MTUS1: variants seen among roughly 807,000 people sequenced by gnomAD.
The protein encoded by MTUS1 is microtubule-associated tumor suppressor 1.
A neutral mutation model predicts 120.8 loss-of-function variants in MTUS1; 109 were observed. The ratio of observed to expected loss-of-function variants is 0.90; its 90% CI spans 0.77 to 1.06. MTUS1 has a LOEUF of 1.06. MTUS1 is among the 50% of genes least tolerant of loss of function. The pLI is 0.00. For missense variants in MTUS1, 2,210 were observed against 1,486.3 expected (o/e 1.49, Z -8.01); for synonymous variants, 737 against 550.5 (o/e 1.34, Z -4.74).
At chr8:17,731,814 C>T (rs140570637) in intron 3 of MTUS1, among the ~76,000 whole-genome samples, 1,998 of 152,310 alleles carry the variant, frequency 0.013, 13 homozygotes, top group South Asian at 0.028. Flanking sequence ...TATTATTATT[C>T]TTTTATTTAA....
intron 8 of MTUS1, chr8:17,663,853 C>G (rs1810320875): frequency 6.6e-6 from 1 of 152,258 alleles, no homozygotes; most frequent in African/African-American, 2.4e-5. Context: ...GCCTCGGCCT[C>G]CCAAAGTGCT....
Position 17,723,713 on chromosome 8 carries a change from A to G in MTUS1, c.2408T>C (p.Ile803Thr), listed in dbSNP as rs373551462. ...GCTCAGCTCACTGTGGGTGCTGGCTATTGAGGGGGTGCTTCCTGTCCTCCG... is the reference window on the plus strand; with the variant it reads ...GCTCAGCTCACTGTGGGTGCTGGCTGTTGAGGGGGTGCTTCCTGTCCTCCG... ...ALRRTGSTPS[I>T]ASTHSELSTY... The change falls in exon 4 of 15, where the codon ATA (isoleucine) becomes ACA (threonine). Residue 803 changes from isoleucine to threonine, a missense_variant. Transcript: ENST00000693296. 9.9e-6 allele frequency: 16 copies of G among 1,610,828 alleles called. No individual in the cohort carries two copies. Among genetic ancestry groups the G allele is most frequent in the South Asian group, 9.9e-5 (9 of 90,958 alleles).
At chr8:17,671,337 C>G (rs142521126) in intron 8 of MTUS1, among the ~76,000 whole-genome samples, 745 of 148,208 alleles carry the variant, frequency 5.0e-3, no homozygotes, top group Non-Finnish European at 7.9e-3. Context: ...CCCAAGAAAA[C>G]AGAAAGCATA....
At chr8:17,669,061 C>G (rs1217056743) in intron 8 of MTUS1, among the ~76,000 whole-genome samples, 4 of 152,318 alleles carry the variant, frequency 2.6e-5, no homozygotes, top group East Asian at 1.9e-4. Flanking sequence ...GGTGGGAGAA[C>G]TACAAAAATT....
chr8:17,657,092 G>A (rs1808470618), intron 8 of MTUS1, among the ~76,000 whole-genome samples: 1 of 149,432 alleles, frequency 6.7e-6, no homozygotes, highest in Non-Finnish European at 1.5e-5. Flanking sequence ...GAAACAAGTG[G>A]ACCTTAAACT....
intron 6 of MTUS1, among the ~76,000 whole-genome samples, chr8:17,694,099 GT>G (rs1293852771): frequency 3.3e-5 from 5 of 152,074 alleles, no homozygotes; most frequent in African/African-American, 1.2e-4. Flanking sequence ...TTTGTGTGTG[GT>G]TTTTTAAATA....
chr8:17,775,269 T>C (rs752278566), intron 1 of MTUS1, among the ~76,000 whole-genome samples: 9 of 152,120 alleles, frequency 5.9e-5, no homozygotes, highest in Non-Finnish European at 1.3e-4. Context: ...TATTTTACCA[T>C]AATTTTTTTT....
Position 17,646,719 on chromosome 8 carries a change from T to G in MTUS1, c.3599+263A>C, listed in dbSNP as rs73571171. The stretch of plus-strand genomic sequence containing the variant: ...TGTTTTCTATTTGGTTTTGTGTTGC[T>G]CTTTGTCTGAAAGCATTCTCAGAGG... On this transcript the variant is annotated intron_variant, in intron 14 of 14. Transcript: ENST00000693296. Among the ~76,000 whole-genome samples the G allele has an allele frequency of 4.3e-3, 662 of 152,334 alleles. 9 individuals carry two copies. The highest frequency in any genetic ancestry group is 0.015 in the African/African-American group (643 of 41,578).
At chr8:17,708,002 A>T (rs139558034) in intron 6 of MTUS1, among the ~76,000 whole-genome samples, 1 of 152,324 alleles carries the variant, frequency 6.6e-6, no homozygotes, top group African/African-American at 2.4e-5. Context: ...AGCAAAAAAA[A>T]CTTAAATGAA....
chr8:17,752,410 G>A (rs2048269286), intron 2 of MTUS1, among the ~76,000 whole-genome samples: 1 of 152,104 alleles, frequency 6.6e-6, no homozygotes, highest in Non-Finnish European at 1.5e-5. Flanking sequence ...AATGATATCG[G>A]TTTTCTAAGT....
intron 4 of MTUS1, among the ~76,000 whole-genome samples, chr8:17,720,603 A>G (rs1283268438): frequency 6.6e-6 from 1 of 152,218 alleles, no homozygotes; most frequent in Non-Finnish European, 1.5e-5. Context: ...TGGAAGAGGA[A>G]GTAATGTCTT....
chr8:17,760,522 G>T (rs2048961917), intron 1 of MTUS1, among the ~76,000 whole-genome samples: 1 of 152,114 alleles, frequency 6.6e-6, no homozygotes, highest in Admixed American at 6.5e-5. Context: ...GGACAGAAAA[G>T]GGGTGACCGG....
At chr8:17,663,544 C>T (rs1810229920) in intron 8 of MTUS1, among the ~76,000 whole-genome samples, 1 of 152,200 alleles carries the variant, frequency 6.6e-6, no homozygotes. Flanking sequence ...CACTCAGCTG[C>T]TACATCACTT....
At chr8:17,700,968 A>G (rs749988189) in intron 6 of MTUS1, among the ~76,000 whole-genome samples, 2 of 151,900 alleles carry the variant, frequency 1.3e-5, no homozygotes, top group African/African-American at 4.8e-5. Flanking sequence ...TTAGAAAACA[A>G]TGATGTCATG....
At chr8:17,787,261 C>G (rs1315706062) in intron 1 of MTUS1, among the ~76,000 whole-genome samples, 1 of 152,232 alleles carries the variant, frequency 6.6e-6, no homozygotes, top group African/African-American at 2.4e-5. Flanking sequence ...CACAGCTCTT[C>G]AAAGTCCACA....
chr8:17,786,215 G>T (rs1296716788), intron 1 of MTUS1, among the ~76,000 whole-genome samples: 1 of 152,112 alleles, frequency 6.6e-6, no homozygotes, highest in East Asian at 1.9e-4. Flanking sequence ...TCTTGCAATG[G>T]AAGCCACATC....
rs370969813 is a variant in MTUS1 at position 17,679,248 on chromosome 8, T to C, written c.2839-3996A>G. On this transcript the variant is annotated intron_variant, in intron 7 of 14. Transcript: ENST00000693296. ...TATATTATACATATATAAAAATACA[T>C]AGACATACAATGTATAGGTATATCA... 3.8e-4 allele frequency among the ~76,000 whole-genome samples: 57 copies of C among 151,810 alleles called. 2 individuals carry two copies. The East Asian group carries it at 0.01, about 27-fold the overall frequency.
At chr8:17,735,554 C>T (rs2046867978) in intron 3 of MTUS1, among the ~76,000 whole-genome samples, 1 of 152,214 alleles carries the variant, frequency 6.6e-6, no homozygotes. Flanking sequence ...GTTCCCCAAG[C>T]ACATGGTATC....
chr8:17,725,460 T>C (rs752802428), intron 3 of MTUS1, among the ~76,000 whole-genome samples: 2 of 152,228 alleles, frequency 1.3e-5, no homozygotes, highest in South Asian at 2.1e-4. Flanking sequence ...GCTTTCTCTC[T>C]GACACCAGGG....
Sources: gnomAD v4.1 joint callset for allele counts (sites outside exome capture counted in the v4.1 genomes callset) on GRCh38, gnomAD v4.1.1 for gene constraint, MANE v1.5 for transcripts, NCBI Gene and HGNC (gene_info 2026-07-23, HGNC 2026-07-21) for gene names.